The following SPTLC1 variants were observed in gnomAD, a reference collection of about 807,000 sequenced individuals.
SPTLC1 encodes serine palmitoyltransferase 1.
A neutral mutation model predicts 68.9 loss-of-function variants in SPTLC1; 55 were observed. The ratio of observed to expected loss-of-function variants is 0.80; its 90% confidence interval spans 0.64 to 1.00. The LOEUF is 1.00. Ranked by LOEUF, SPTLC1 falls within the 50% of genes least tolerant of loss-of-function variation. The probability of loss-of-function intolerance (pLI) is 0.00; values close to 1 mark genes in which losing one functional copy is unlikely to be tolerated. For missense variants in SPTLC1, 449 were observed against 573.1 expected (o/e 0.78, Z 2.21); for synonymous variants, 197 against 201.6 (o/e 0.98, Z 0.19).
At chr9:92,036,565 A>G (rs1448736676) in intron 13 of SPTLC1, among the ~76,000 whole-genome samples, 1 of 152,202 alleles carries the variant, frequency 6.6e-6, no homozygotes, top group Non-Finnish European at 1.5e-5. Flanking sequence ...AGAACGGCGG[A>G]GCCATTACTC....
rs1833431001 is a variant in SPTLC1 at position 92,044,012 on chromosome 9, A to T, written c.1136+1987T>A. On this transcript the variant is annotated intron_variant, in intron 12 of 14. Transcript: ENST00000262554. Reference sequence around the variant, plus strand: ...TTTACTGTTCTCTGTAACCATCTAGATACCAGCACGGTTTGCCCCTGCGAC... The same window carrying T: ...TTTACTGTTCTCTGTAACCATCTAGTTACCAGCACGGTTTGCCCCTGCGAC... 3.3e-5 allele frequency among the ~76,000 whole-genome samples: 5 copies of T among 152,170 alleles called. 1 individual carries two copies. In the Middle Eastern group the frequency reaches 0.014, roughly 414 times the overall value.
Position 92,032,276 on chromosome 9 carries a change from G to C in SPTLC1, c.*189C>G, listed in dbSNP as rs1832986570. 3.3e-6 allele frequency: 5 copies of C among 1,532,624 alleles called. No homozygotes were observed. In the East Asian group the frequency reaches 7.3e-5, roughly 22 times the overall value. 94.9% of individuals were successfully genotyped at this position (1,532,624 alleles called of 1,614,324 possible). On this transcript the variant is annotated 3_prime_UTR_variant, in exon 15 of 15. Transcript: ENST00000262554. ...AATCAGTTCCTGGGCTTTTAGATGTGTTTTCTTTTTAAAAAAAATAAGCAT... is the reference window on the plus strand; with the variant it reads ...AATCAGTTCCTGGGCTTTTAGATGTCTTTTCTTTTTAAAAAAAATAAGCAT...
intron 8 of SPTLC1, among the ~76,000 whole-genome samples, chr9:92,052,377 G>A (rs569676482): frequency 4.1e-4 from 63 of 152,234 alleles, no homozygotes; most frequent in African/African-American, 1.4e-3. Context: ...ATAACCACTT[G>A]TGAAAGAATA....
At chr9:92,095,370 C>T (rs1835493869) in intron 3 of SPTLC1, among the ~76,000 whole-genome samples, 1 of 152,028 alleles carries the variant, frequency 6.6e-6, no homozygotes, top group South Asian at 2.1e-4. Flanking sequence ...GGTTCTATAC[C>T]CCCAGAGAAA....
intron 8 of SPTLC1, among the ~76,000 whole-genome samples, chr9:92,053,081 GAATA>G (rs1456732773): frequency 6.7e-6 from 1 of 149,110 alleles, no homozygotes; most frequent in Non-Finnish European, 1.5e-5. Context: ...CAAAGCACCT[GAATA>G]GATATGTCTC....
chr9:92,079,257 G>A (rs769622695), intron 5 of SPTLC1: 39 of 562,972 alleles, frequency 6.9e-5, no homozygotes, highest in Non-Finnish European at 9.8e-5. Flanking sequence ...TGTATTTTTA[G>A]TAGAGACGAG....
At chr9:92,068,234 G>T in intron 5 of SPTLC1, 136 bp from the exon 6 acceptor site, 2 of 813,676 alleles carry the variant, frequency 2.5e-6, no homozygotes, top group Non-Finnish European at 3.9e-6. Context: ...GTTTTTAAAT[G>T]ATAGATTATA....
At chr9:92,111,233 C>A (rs772325243) in intron 2 of SPTLC1, 2 of 152,194 alleles carry the variant, frequency 1.3e-5, no homozygotes, top group African/African-American at 4.8e-5. Flanking sequence ...CGAAGCTACA[C>A]TCATCCCTAC....
chr9:92,045,286 G>A (rs1240004887), intron 12 of SPTLC1, among the ~76,000 whole-genome samples: 5 of 151,258 alleles, frequency 3.3e-5, no homozygotes, highest in African/African-American at 9.7e-5. Context: ...GAAAGACCTC[G>A]GGCAATGTGA....
intron 3 of SPTLC1, chr9:92,104,469 G>A (rs1835880607): frequency 1.4e-6 from 2 of 1,407,296 alleles, no homozygotes; most frequent in Non-Finnish European, 9.5e-7. Context: ...CCCCACAGAG[G>A]GTCCTGCCTC....
chr9:92,033,376 G>A (rs1478829922), intron 14 of SPTLC1, among the ~76,000 whole-genome samples: 3 of 152,200 alleles, frequency 2.0e-5, no homozygotes, highest in African/African-American at 2.4e-5. Context: ...ATAATAGCTT[G>A]AAAGGACAAT....
intron 5 of SPTLC1, 140 bp from the exon 6 acceptor site, chr9:92,068,238 G>T: frequency 1.3e-6 from 1 of 776,090 alleles, no homozygotes; most frequent in Non-Finnish European, 2.0e-6. Flanking sequence ...TTAAATGATA[G>T]ATTATACAAG....
At chr9:92,097,222 T>C (rs569381342) in intron 3 of SPTLC1, among the ~76,000 whole-genome samples, 1 of 152,324 alleles carries the variant, frequency 6.6e-6, no homozygotes, top group South Asian at 2.1e-4. Flanking sequence ...AGTGGGAATA[T>C]AAAATGATGC....
chr9:92,038,446 C>A (rs1833224528), intron 12 of SPTLC1, 81 bp from the exon 13 acceptor site: 1 of 922,936 alleles, frequency 1.1e-6, no homozygotes, highest in Non-Finnish European at 1.8e-6. Flanking sequence ...GTTAGAAGTC[C>A]ACAATGTCAA....
intron 3 of SPTLC1, among the ~76,000 whole-genome samples, chr9:92,098,420 G>T (rs1022087397): frequency 6.6e-6 from 1 of 151,988 alleles, no homozygotes; most frequent in South Asian, 2.1e-4. Flanking sequence ...GCTCAGTAAA[G>T]ATTTTTGCCC....
intron 3 of SPTLC1, among the ~76,000 whole-genome samples, chr9:92,102,264 T>C (rs1835782875): frequency 6.6e-6 from 1 of 152,218 alleles, no homozygotes; most frequent in African/African-American, 2.4e-5. Flanking sequence ...AAGACCAGCC[T>C]GACAAGAAAT....
At position 92,056,478 on chromosome 9, in the gene SPTLC1, G is replaced by A. The variant is rs183654221; in HGVS notation, c.691-984C>T. ...TCCTGACCTCTTGATTACTGACCTC[G>A]GCCTCTCAAACTGCTGGGATTACAG... On this transcript the variant is annotated intron_variant, in intron 7 of 14. Transcript: ENST00000262554. Among the ~76,000 whole-genome samples the A allele has an allele frequency of 3.2e-4, 49 of 152,082 alleles. No homozygotes were observed. The East Asian group carries it at 7.9e-3, about 25-fold the overall frequency.
Position 92,093,654 on chromosome 9 carries a change from T to C in SPTLC1, c.261-12691A>G, listed in dbSNP as rs532333990. On this transcript the variant is annotated intron_variant, in intron 3 of 14. Coordinates refer to ENST00000262554, the MANE Select transcript of SPTLC1 (RefSeq NM_006415.4). The stretch of plus-strand genomic sequence containing the variant: ...CAGTAATAAATGATAAGATATACGA[T>C]GGTCAGCTGAAGGGATGGCTCAACA... Among the ~76,000 whole-genome samples the C allele has an allele frequency of 1.3e-5, 2 of 152,326 alleles. 1 individual carries two copies. The highest frequency in any genetic ancestry group is 4.1e-4 in the South Asian group (2 of 4,828).
chr9:92,067,267 C>A (rs1338443187), intron 6 of SPTLC1, among the ~76,000 whole-genome samples: 1 of 151,568 alleles, frequency 6.6e-6, no homozygotes, highest in Non-Finnish European at 1.5e-5. Context: ...CCATTGCACT[C>A]CAGCCGTGGT....
Sources: gnomAD v4.1 joint callset for allele counts (sites outside exome capture counted in the v4.1 genomes callset) on GRCh38, gnomAD v4.1.1 for gene constraint, MANE v1.5 for transcripts, NCBI Gene and HGNC (gene_info 2026-07-23, HGNC 2026-07-21) for gene names.